The following TSC22D1 variants were observed in gnomAD, a reference collection of about 807,000 sequenced individuals.
TSC22D1 encodes TSC22 domain family protein 1.
Under a neutral mutation model 74.2 loss-of-function variants are expected in TSC22D1, and 9 were observed. That is an observed-to-expected ratio of 0.12 (90% CI 0.07 to 0.21). TSC22D1 has a LOEUF of 0.21. Ranked by LOEUF, TSC22D1 falls within the 10% of genes least tolerant of loss-of-function variation. The pLI is 1.00. For missense variants in TSC22D1, 1,427 were observed against 1,304.7 expected (o/e 1.09, Z -1.44); for synonymous variants, 586 against 492.5 (o/e 1.19, Z -2.51).
intron 1 of TSC22D1, among the ~76,000 whole-genome samples, chr13:44,483,067 AAAGT>A (rs1315130709): frequency 4.6e-5 from 7 of 152,222 alleles, no homozygotes; most frequent in African/African-American, 1.7e-4. Flanking sequence ...AAATTTTAAA[AAAGT>A]AACTACATTA....
intron 1 of TSC22D1, chr13:44,516,292 C>A: frequency 2.3e-6 from 1 of 442,760 alleles, no homozygotes; most frequent in Non-Finnish European, 4.4e-6. Context: ...AAAGCACCTC[C>A]CTTTACCAGC....
intron 1 of TSC22D1, among the ~76,000 whole-genome samples, chr13:44,548,857 C>G (rs1033950639): frequency 5.3e-5 from 8 of 151,982 alleles, no homozygotes; most frequent in Non-Finnish European, 1.0e-4. Context: ...ATTTGCATAA[C>G]AAATATATAA....
At chr13:44,460,570 T>A (rs1017068471) in intron 1 of TSC22D1, among the ~76,000 whole-genome samples, 6 of 152,232 alleles carry the variant, frequency 3.9e-5, no homozygotes, top group Non-Finnish European at 7.3e-5. Context: ...TTATTTGATG[T>A]CCTAAACTGT....
At position 44,433,865 on chromosome 13, in the gene TSC22D1, T is replaced by C; in HGVS notation, c.*761A>G. 2 of 998,302 alleles carry C rather than the reference T, an allele frequency of 2.0e-6. No individual in the cohort carries two copies. The highest frequency in any genetic ancestry group is 2.8e-6 in the Non-Finnish European group (2 of 717,046). 61.8% of individuals were successfully genotyped at this position (998,302 alleles called of 1,614,324 possible). On this transcript the variant is annotated 3_prime_UTR_variant, in exon 3 of 3. Coordinates refer to ENST00000458659, the MANE Select transcript of TSC22D1 (RefSeq NM_183422.4). The stretch of plus-strand genomic sequence containing the variant: ...AGCAGTTTTTATGTAGATCTATATA[T>C]AAAAGTCCACACCTCCTCAGACAGC...
At chr13:44,435,853 G>A (rs1874559893) in intron 2 of TSC22D1, 191 bp downstream of exon 2, 1 of 640,062 alleles carries the variant, frequency 1.6e-6, no homozygotes, top group Non-Finnish European at 2.8e-6. Flanking sequence ...ATACCCGCAG[G>A]GCCCCTTTCT....
At chr13:44,509,950 C>CAAAAAAAAAAAAAAAAAAAATAAAAA (rs1879617459) in intron 1 of TSC22D1, among the ~76,000 whole-genome samples, 1 of 51,426 alleles carries the variant, frequency 1.9e-5, no homozygotes, top group Non-Finnish European at 3.6e-5. Context: ...AGAAAATAAG[C>CAAAAAAAAAAAAAAAAAAAATAAAAA]AAAAAAAAAA....
At chr13:44,547,847 G>A (rs541174724) in intron 1 of TSC22D1, among the ~76,000 whole-genome samples, 138 of 152,182 alleles carry the variant, frequency 9.1e-4, no homozygotes, top group Admixed American at 1.2e-3. Flanking sequence ...GGCTAGTTAC[G>A]GGTACAATCA....
chr13:44,459,718 C>T (rs771881857), intron 1 of TSC22D1, among the ~76,000 whole-genome samples: 16 of 152,188 alleles, frequency 1.1e-4, no homozygotes, highest in Non-Finnish European at 1.5e-4. Context: ...AGCTTCCAGG[C>T]GCCACTGCAC....
chr13:44,545,646 T>C (rs1248005300), intron 1 of TSC22D1, among the ~76,000 whole-genome samples: 1 of 150,806 alleles, frequency 6.6e-6, no homozygotes, highest in Non-Finnish European at 1.5e-5. Context: ...TTGGGTTGCG[T>C]TACGTTCATA....
intron 1 of TSC22D1, among the ~76,000 whole-genome samples, chr13:44,510,469 CTAAG>C (rs1280836196): frequency 6.6e-6 from 1 of 151,972 alleles, no homozygotes; most frequent in Non-Finnish European, 1.5e-5. Flanking sequence ...CGAAATAATC[CTAAG>C]TGTCTAAAAA....
At chr13:44,453,273 C>A (rs780967774) in intron 1 of TSC22D1, among the ~76,000 whole-genome samples, 10 of 98,786 alleles carry the variant, frequency 1.0e-4, no homozygotes, top group Middle Eastern at 4.9e-3. Context: ...AGTAGCCACT[C>A]CTCGTTTCTG....
At chr13:44,525,692 A>C (rs775299152) in intron 1 of TSC22D1, among the ~76,000 whole-genome samples, 3 of 152,094 alleles carry the variant, frequency 2.0e-5, no homozygotes, top group Non-Finnish European at 4.4e-5. Context: ...CATCAACAGC[A>C]AATAAACACA....
At chr13:44,453,382 C>G (rs1303275876) in intron 1 of TSC22D1, among the ~76,000 whole-genome samples, 4 of 152,168 alleles carry the variant, frequency 2.6e-5, no homozygotes, top group Non-Finnish European at 5.9e-5. Flanking sequence ...AATAACCTAC[C>G]AAACTTAACA....
chr13:44,488,062 GA>G (rs1029533753), intron 1 of TSC22D1, among the ~76,000 whole-genome samples: 1 of 150,312 alleles, frequency 6.7e-6, no homozygotes, highest in Non-Finnish European at 1.5e-5. Flanking sequence ...TGTCTCAAAA[GA>G]AAAAAAAAGA....
intron 1 of TSC22D1, among the ~76,000 whole-genome samples, chr13:44,551,397 T>TGGGTGTGG (rs1882257606): frequency 7.3e-6 from 1 of 137,354 alleles, no homozygotes; most frequent in Non-Finnish European, 1.6e-5. Flanking sequence ...TGGGTGTGTG[T>TGGGTGTGG]GTGTGTGTGT....
intron 1 of TSC22D1, among the ~76,000 whole-genome samples, chr13:44,572,631 T>C (rs1883846863): frequency 6.6e-6 from 1 of 152,338 alleles, no homozygotes; most frequent in Admixed American, 6.5e-5. Flanking sequence ...GTTGGTCAGT[T>C]GGAGTATGAG....
At chr13:44,476,474 G>A (rs569782382) in intron 1 of TSC22D1, among the ~76,000 whole-genome samples, 2 of 152,034 alleles carry the variant, frequency 1.3e-5, no homozygotes, top group South Asian at 4.2e-4. Context: ...GGGATGATGT[G>A]CTCTATTTTA....
At chr13:44,514,596 A>T (rs1849391039) in intron 1 of TSC22D1, among the ~76,000 whole-genome samples, 1 of 152,182 alleles carries the variant, frequency 6.6e-6, no homozygotes, top group African/African-American at 2.4e-5. Flanking sequence ...ACCGTGACTC[A>T]CACCTGTAAT....
rs547229798 is a variant in TSC22D1, at chr13:44,500,043, C to T, written c.2913-63948G>A. On this transcript the variant is annotated intron_variant, in intron 1 of 2. Transcript: ENST00000458659. The stretch of plus-strand genomic sequence containing the variant: ...CGGAGGTTGCAGTGAGCTGAGATGG[C>T]GCCCACTGCACTCCAGCCTGGGTGA... Among the ~76,000 whole-genome samples, 14 of 149,934 alleles carry T rather than the reference C, an allele frequency of 9.3e-5. 1 individual carries two copies. The highest frequency in any genetic ancestry group is 3.4e-3 in the Middle Eastern group (1 of 294).
Sources: gnomAD v4.1 joint callset for allele counts (sites outside exome capture counted in the v4.1 genomes callset) on GRCh38, gnomAD v4.1.1 for gene constraint, MANE v1.5 for transcripts, NCBI Gene and HGNC (gene_info 2026-07-23, HGNC 2026-07-21) for gene names.